The following PFKFB2 variants were observed in gnomAD, a reference collection of about 807,000 sequenced individuals.
The protein encoded by PFKFB2 is 6-phosphofructo-2-kinase/fructose-2,6-biphosphatase 2.
Under a neutral mutation model 68.0 loss-of-function variants are expected in PFKFB2, and 53 were observed. The observed-to-expected ratio is 0.78, with a 90% CI of 0.63 to 0.98. The LOEUF is 0.98. Among genes scored for constraint, PFKFB2 ranks in the 50% least tolerant of loss-of-function variants. The pLI is 0.00. For missense variants in PFKFB2, 451 were observed against 642.0 expected, an observed-to-expected ratio of 0.70 and a Z score of 3.22; for synonymous variants, 222 against 227.6, an observed-to-expected ratio of 0.98 and a Z score of 0.22.
At position 207,073,950 on chromosome 1, in the gene PFKFB2, A is replaced by G. The variant is rs1295507594; in HGVS notation, c.*1579A>G. 6 of 985,222 alleles carry G rather than the reference A, an allele frequency of 6.1e-6. No homozygotes were observed. The East Asian group carries it at 3.4e-4, about 56-fold the overall frequency. 61.0% of individuals were successfully genotyped at this position (985,222 alleles called of 1,614,324 possible). A position where few individuals can be genotyped will look rare whatever the true frequency, so the allele number is the denominator to read the frequency against. On this transcript the variant is annotated 3_prime_UTR_variant, in exon 15 of 15. Coordinates refer to ENST00000367080, the MANE Select transcript of PFKFB2 (RefSeq NM_006212.2). ...GGTAACCAGTGAGAAGGAGTTAGCT[A>G]TTTTCCAAGGGTGTTTTCATTTGGT...
At chr1:207,078,845 G>A (rs1015680235), downstream of PFKFB2, 1 of 838,442 alleles carries the variant, frequency 1.2e-6, no homozygotes, top group Non-Finnish European at 2.0e-6. Context: ...ATGTGGGGAT[G>A]GGGAGGTTGA....
intron 4 of PFKFB2, 146 bp from the exon 5 acceptor site, chr1:207,062,996 GA>G: frequency 1.3e-6 from 1 of 741,906 alleles, no homozygotes; most frequent in Non-Finnish European, 2.3e-6. Context: ...CCCTCAGTGA[GA>G]AAGTTGAAAG....
Position 207,077,501 on chromosome 1 carries a change from T to C in PFKFB2, c.*5130T>C. The C allele has an allele frequency of 1.0e-6, 1 of 985,454 alleles. No homozygotes were observed. The highest frequency in any genetic ancestry group is 1.2e-6 in the Non-Finnish European group (1 of 829,748). 61.0% of individuals were successfully genotyped at this position (985,454 alleles called of 1,614,324 possible). A position where few individuals can be genotyped will look rare whatever the true frequency, so the allele number is the denominator to read the frequency against. ...TATGCTGGTATGGTGATGGTTTTGC[T>C]ATGGCAAAATCAAAGGGCTGATCAT... On this transcript the variant is annotated 3_prime_UTR_variant, in exon 15 of 15. Coordinates refer to ENST00000367080, the MANE Select transcript of PFKFB2 (RefSeq NM_006212.2).
intron 1 of PFKFB2, chr1:207,035,346 C>G (rs1195767111): frequency 3.8e-6 from 1 of 264,666 alleles, no homozygotes; most frequent in East Asian, 1.8e-4. Context: ...TACCTGAGAC[C>G]TAGTAATTTA....
At chr1:207,071,097 CATT>C (rs1388846932) in intron 12 of PFKFB2, 88 bp from the exon 13 acceptor site, 2 of 1,040,778 alleles carry the variant, frequency 1.9e-6, no homozygotes, top group African/African-American at 1.6e-5. Context: ...AAGGGAAACT[CATT>C]ATGAGCTCTG....
chr1:207,049,040 T>G (rs753253807), upstream of PFKFB2: 2 of 1,613,644 alleles, frequency 1.2e-6, no homozygotes, highest in East Asian at 2.2e-5. Flanking sequence ...CCAAAGTTGG[T>G]ATGGCCTGTC....
Position 207,077,440 on chromosome 1 carries a change from G to T in PFKFB2, c.*5069G>T, listed in dbSNP as rs566757777. 1.0e-6 allele frequency: 1 copy of T among 985,274 alleles called. No homozygotes were observed. Among genetic ancestry groups the T allele is most frequent in the Admixed American group, 6.1e-5 (1 of 16,280 alleles). The allele number at this position is 985,274 out of a possible 1,614,324, so 61.0% of individuals were successfully genotyped here. On this transcript the variant is annotated 3_prime_UTR_variant, in exon 15 of 15. Transcript: ENST00000367080. ...TTTTGTATCTGAATTGCTTATGTACGTTTTTTATTATATTGACCTAACAAG... is the reference window on the plus strand; with the variant it reads ...TTTTGTATCTGAATTGCTTATGTACTTTTTTTATTATATTGACCTAACAAG...
At chr1:207,059,140 C>A (rs1683012695) in intron 2 of PFKFB2, among the ~76,000 whole-genome samples, 2 of 152,190 alleles carry the variant, frequency 1.3e-5, no homozygotes, top group African/African-American at 4.8e-5. Context: ...TGCTGGAGGG[C>A]TCTTGGGAGG....
upstream of PFKFB2, chr1:207,052,220 T>C (rs1682770241): frequency 6.2e-7 from 1 of 1,612,636 alleles, no homozygotes; most frequent in African/African-American, 1.3e-5. Context: ...GAATAAATTA[T>C]ATGTAATGTT....
In PFKFB2 at chr1:207,073,178, G is replaced by A; in HGVS notation, c.*807G>A. On this transcript the variant is annotated 3_prime_UTR_variant, in exon 15 of 15. Transcript: ENST00000367080. ...CGATGCCCTGGGAGAATCTGGCTCT[G>A]AGCATGTGGGAAATGTCTTGGTTTT... The A allele has an allele frequency of 3.0e-6, 3 of 985,600 alleles. No individual in the cohort carries two copies. Among genetic ancestry groups the A allele is most frequent in the Non-Finnish European group, 2.4e-6 (2 of 830,034 alleles). The allele number at this position is 985,600 out of a possible 1,614,324, so 61.1% of individuals were successfully genotyped here.
chr1:207,061,788 G>A (rs566883618), intron 2 of PFKFB2, among the ~76,000 whole-genome samples, 165 bp from the exon 3 acceptor site: 3 of 152,182 alleles, frequency 2.0e-5, no homozygotes, highest in Non-Finnish European at 2.9e-5. Context: ...AGGCTGAGGC[G>A]GGAGAATCAC....
In PFKFB2 at chr1:207,073,858, G is replaced by A. The variant is rs1419378803; in HGVS notation, c.*1487G>A. 2.0e-6 allele frequency: 2 copies of A among 985,228 alleles called. No individual in the cohort carries two copies. Among genetic ancestry groups the A allele is most frequent in the African/African-American group, 3.5e-5 (2 of 57,210 alleles). 61.0% of individuals were successfully genotyped at this position (985,228 alleles called of 1,614,324 possible). Reference sequence around the variant, plus strand: ...TGTTTTTCTGAGAGGCAAGTTTAGGGTTCTCATGGGATTTTAAAAAGAGAT... The same window carrying A: ...TGTTTTTCTGAGAGGCAAGTTTAGGATTCTCATGGGATTTTAAAAAGAGAT... On this transcript the variant is annotated 3_prime_UTR_variant, in exon 15 of 15. Transcript: ENST00000367080.
rs540999189 is a variant in PFKFB2 at position 207,072,774 on chromosome 1, C to T, written c.*403C>T. The T allele has an allele frequency of 1.6e-5, 16 of 1,003,850 alleles. No individual in the cohort carries two copies. The highest frequency in any genetic ancestry group is 2.1e-4 in the East Asian group (2 of 9,706). 62.2% of individuals were successfully genotyped at this position (1,003,850 alleles called of 1,614,324 possible). ...GGGGGATGGAGGGCGGGTGAGCAGT[C>T]GGGGGACAAAAAGTCTATTTTTCCT... On this transcript the variant is annotated 3_prime_UTR_variant, in exon 15 of 15. Coordinates refer to ENST00000367080, the MANE Select transcript of PFKFB2 (RefSeq NM_006212.2).
chr1:207,053,428 C>T lies in PFKFB2; in HGVS notation c.-18+62C>T, dbSNP rs191032412. 496 of 152,754 alleles carry T rather than the reference C, an allele frequency of 3.2e-3. 3 individuals are homozygous for T. Among genetic ancestry groups the T allele is most frequent in the African/African-American group, 0.011 (461 of 41,576 alleles). The allele number at this position is 152,754 out of a possible 1,614,324, so 9.5% of individuals were successfully genotyped here. ...CGGGGCGGGATGTGGGGGCTGCGTG[C>T]CCCCGGATGAAGTGCGGGGAGAGGT... On this transcript the variant is annotated intron_variant, in intron 1 of 14. Coordinates refer to ENST00000367080, the MANE Select transcript of PFKFB2 (RefSeq NM_006212.2).
At chr1:207,068,865 G>A (rs1201720132) in intron 10 of PFKFB2, among the ~76,000 whole-genome samples, 2 of 151,464 alleles carry the variant, frequency 1.3e-5, no homozygotes, top group African/African-American at 4.9e-5. Flanking sequence ...CTCTCCCTCA[G>A]CCTCCCGAGT....
upstream of PFKFB2, chr1:207,049,234 G>C: frequency 6.2e-7 from 1 of 1,614,106 alleles, no homozygotes; most frequent in Non-Finnish European, 8.5e-7. Context: ...AGGTGTATCT[G>C]GATCAGGGAA....
Position 207,068,204 on chromosome 1 carries a change from A to C in PFKFB2, c.882A>C (p.Ile294=). 1.2e-6 allele frequency: 2 copies of C among 1,612,620 alleles called. No homozygotes were observed. Among genetic ancestry groups the C allele is most frequent in the African/African-American group, 1.3e-5 (1 of 74,820 alleles). ...GGAAATTTCTGGAGGAACAGGAAAT[A>C]ACAGACCTCAAAGTGTGGACAAGCC... The part of the protein sequence containing the change: ...ALRKFLEEQE[I]TDLKVWTSQL... The change falls in exon 10 of 15, where the codon ATA becomes ATC. Residue 294 remains isoleucine (I), a synonymous_variant. Transcript: ENST00000367080.
intron 10 of PFKFB2, 52 bp from the exon 11 acceptor site, chr1:207,069,371 GC>G: frequency 8.5e-7 from 1 of 1,175,268 alleles, no homozygotes. Context: ...TTGGGATGGG[GC>G]TGGTGTGGTA....
intron 1 of PFKFB2, among the ~76,000 whole-genome samples, chr1:207,036,163 C>CATGAAATCTCA (rs1318812243): frequency 5.3e-5 from 8 of 152,162 alleles, no homozygotes; most frequent in Non-Finnish European, 1.2e-4. Context: ...TTGGAGGTCA[C>CATGAAATCTCA]ATTTCAACAT....
Sources: gnomAD v4.1 joint callset for allele counts (sites outside exome capture counted in the v4.1 genomes callset) on GRCh38, gnomAD v4.1.1 for gene constraint, MANE v1.5 for transcripts, NCBI Gene and HGNC (gene_info 2026-07-23, HGNC 2026-07-21) for gene names.